EYA4: variants seen among roughly 807,000 people sequenced by gnomAD.
EYA4 encodes the protein protein phosphatase EYA4.
EYA4 carries 31 observed loss-of-function variants against 87.9 expected under a neutral mutation model. The ratio of observed to expected loss-of-function variants is 0.35; its 90% CI spans 0.27 to 0.48. EYA4 has a LOEUF of 0.48. Among genes scored for constraint, EYA4 ranks in the 20% least tolerant of loss-of-function variants. The probability of loss-of-function intolerance (pLI) is 0.99; values close to 1 mark genes in which losing one functional copy is unlikely to be tolerated. For missense variants in EYA4, 678 were observed against 761.4 expected (o/e 0.89, Z 1.29); for synonymous variants, 263 against 270.6 (o/e 0.97, Z 0.28).
At chr6:133,448,085 A>G (rs772221728) in intron 4 of EYA4, 26 bp from the exon 5 acceptor site, 2 of 1,589,216 alleles carry the variant, frequency 1.3e-6, no homozygotes, top group South Asian at 2.2e-5. Context: ...TCAGACAATG[A>G]ACTTTTATAC....
At chr6:133,259,213 A>C (rs1453714840) in intron 1 of EYA4, among the ~76,000 whole-genome samples, 1 of 152,164 alleles carries the variant, frequency 6.6e-6, no homozygotes, top group Non-Finnish European at 1.5e-5. Flanking sequence ...AAATTGAAGA[A>C]GTGGTCTTGT....
chr6:133,245,682 A>T (rs80236289), intron 1 of EYA4, among the ~76,000 whole-genome samples: 3,243 of 152,292 alleles, frequency 0.021, 99 homozygotes, highest in African/African-American at 0.069. Flanking sequence ...TTATAGTTAG[A>T]TGTGTTTTAA....
At chr6:133,443,424 G>C (rs989042230) in intron 3 of EYA4, among the ~76,000 whole-genome samples, 2 of 151,884 alleles carry the variant, frequency 1.3e-5, no homozygotes, top group Non-Finnish European at 2.9e-5. Flanking sequence ...GCATAATATA[G>C]TTTATAATAC....
rs777125634 is a variant in EYA4, at chr6:133,333,290, G to A, written c.34-49102G>A. ...GAATGAAAACAACAGAGATGAGAACGTAACAATTTAATCTGTCAGACACTT... is the reference window on the plus strand; with the variant it reads ...GAATGAAAACAACAGAGATGAGAACATAACAATTTAATCTGTCAGACACTT... On this transcript the variant is annotated intron_variant, in intron 2 of 19. Transcript: ENST00000355286. Among the ~76,000 whole-genome samples, 9 of 152,292 alleles carry A rather than the reference G, an allele frequency of 5.9e-5. 1 individual carries two copies. The Middle Eastern group carries it at 0.01, about 173-fold the overall frequency.
At chr6:133,389,293 C>G (rs150875957) in intron 3 of EYA4, among the ~76,000 whole-genome samples, 2 of 152,292 alleles carry the variant, frequency 1.3e-5, no homozygotes, top group Admixed American at 1.3e-4. Context: ...AAGCTCAGTG[C>G]TTTAAGGAAG....
intron 11 of EYA4, among the ~76,000 whole-genome samples, chr6:133,477,858 A>G (rs969584339): frequency 6.6e-6 from 1 of 152,038 alleles, no homozygotes; most frequent in African/African-American, 2.4e-5. Context: ...ACACACATAA[A>G]TATATATAAT....
chr6:133,278,006 A>G (rs1339782440), intron 2 of EYA4, among the ~76,000 whole-genome samples: 6 of 152,050 alleles, frequency 3.9e-5, no homozygotes, highest in Admixed American at 3.3e-4. Flanking sequence ...TCACATCACT[A>G]CCTTCCTTTT....
intron 1 of EYA4, among the ~76,000 whole-genome samples, chr6:133,264,777 A>G (rs956068974): frequency 1.3e-5 from 2 of 151,996 alleles, no homozygotes; most frequent in African/African-American, 4.8e-5. Flanking sequence ...CTCCATGTTC[A>G]CGTTTCTTTA....
At chr6:133,276,208 A>G (rs751652544) in intron 2 of EYA4, among the ~76,000 whole-genome samples, 24 of 152,288 alleles carry the variant, frequency 1.6e-4, no homozygotes, top group Non-Finnish European at 2.5e-4. Context: ...ACCGAGGGTC[A>G]CATACAAGTG....
chr6:133,522,852 G>A (rs561818039), intron 17 of EYA4, among the ~76,000 whole-genome samples: 1 of 152,164 alleles, frequency 6.6e-6, no homozygotes, highest in South Asian at 2.1e-4. Flanking sequence ...AGAACTTTAA[G>A]CATCACAGTA....
intron 2 of EYA4, among the ~76,000 whole-genome samples, chr6:133,337,118 A>T (rs745090): frequency 6.6e-6 from 1 of 152,138 alleles, no homozygotes. Flanking sequence ...GTGTGGTCTG[A>T]GTCTCAGTTT....
At chr6:133,321,808 C>T (rs148032074) in intron 2 of EYA4, among the ~76,000 whole-genome samples, 18 of 152,238 alleles carry the variant, frequency 1.2e-4, no homozygotes, top group East Asian at 7.7e-4. Flanking sequence ...GAGCACCACA[C>T]GAGTTCAGTT....
intron 3 of EYA4, among the ~76,000 whole-genome samples, chr6:133,418,016 C>G (rs527274510): frequency 6.6e-6 from 1 of 152,354 alleles, no homozygotes; most frequent in Admixed American, 6.5e-5. Context: ...CCCACACCCT[C>G]TTATCTGCTT....
chr6:133,467,087 G>A (rs1369701676), intron 10 of EYA4, among the ~76,000 whole-genome samples: 6 of 152,112 alleles, frequency 3.9e-5, no homozygotes, highest in African/African-American at 7.2e-5. Flanking sequence ...ACAAGGGGGC[G>A]ACAGTGGAAA....
chr6:133,364,266 CCT>C (rs1784689311), intron 2 of EYA4, among the ~76,000 whole-genome samples: 1 of 152,158 alleles, frequency 6.6e-6, no homozygotes, highest in African/African-American at 2.4e-5. Context: ...TATAAACTCC[CCT>C]CTTTGGGGCC....
chr6:133,513,329 A>G (rs773686560), intron 16 of EYA4, among the ~76,000 whole-genome samples: 2 of 152,216 alleles, frequency 1.3e-5, no homozygotes, highest in Non-Finnish European at 2.9e-5. Context: ...TGCTTGGAGC[A>G]TTATCAGTGA....
Position 133,276,479 on chromosome 6 carries a change from G to A in EYA4, c.33+1666G>A, listed in dbSNP as rs537485814. Reference sequence around the variant, plus strand: ...TAAAGTGATGTGTTACTAAAGATGCGTCATATCACCGTTCACAAAATGAAG... The same window carrying A: ...TAAAGTGATGTGTTACTAAAGATGCATCATATCACCGTTCACAAAATGAAG... On this transcript the variant is annotated intron_variant, in intron 2 of 19. Coordinates refer to ENST00000355286, the MANE Select transcript of EYA4 (RefSeq NM_004100.5). 2.6e-5 allele frequency among the ~76,000 whole-genome samples: 4 copies of A among 152,214 alleles called. No individual in the cohort carries two copies. In the South Asian group the frequency reaches 8.3e-4, roughly 32 times the overall value.
chr6:133,294,353 T>G (rs5025269), intron 2 of EYA4, among the ~76,000 whole-genome samples: 23,489 of 149,656 alleles, frequency 0.16, 1,940 homozygotes, highest in Non-Finnish European at 0.18. Flanking sequence ...GTTTTTTTTT[T>G]GTTTTGTTTT....
Position 133,468,687 on chromosome 6 carries a change from C to T in EYA4, c.926C>T (p.Thr309Ile). The T allele has an allele frequency of 6.2e-7, 1 of 1,613,116 alleles. No individual in the cohort carries two copies. The highest frequency in any genetic ancestry group is 2.2e-5 in the East Asian group (1 of 44,864). Residue 309 changes from threonine (T) to isoleucine (I), a missense_variant, in exon 11 of 20, where the codon ACT becomes ATT. Thr to Ile is a moderately conservative substitution (Grantham distance 89, BLOSUM62 -1). Coordinates refer to ENST00000355286, the MANE Select transcript of EYA4 (RefSeq NM_004100.5). ...TADGTPSSTS[T>I]YQLQESLPGL... ...GATGGCACACCCTCTTCAACCTCTA[C>T]TTATCAGTTGCAGGAATCTCTCCCA...
Sources: allele counts gnomAD v4.1 joint callset (sites outside exome capture counted in the v4.1 genomes callset), GRCh38; gene constraint gnomAD v4.1.1; transcripts MANE v1.5; gene names NCBI Gene and HGNC (gene_info 2026-07-23, HGNC 2026-07-21).